The following GRID1 variants were observed in gnomAD, a reference collection of about 807,000 sequenced individuals.
The protein encoded by GRID1 is glutamate receptor ionotropic, delta-1.
In GRID1, 28 loss-of-function variants were observed where a neutral mutation model predicts 98.0. The observed-to-expected ratio is 0.29, with a 90% CI of 0.21 to 0.39. The LOEUF (loss-of-function observed/expected upper bound fraction) is 0.39, where lower values mean the gene tolerates loss of function less well. GRID1 is among the 10% of genes least tolerant of loss of function. The probability of loss-of-function intolerance (pLI) is 1.00; values close to 1 mark genes in which losing one functional copy is unlikely to be tolerated. For missense variants in GRID1, 1,111 were observed against 1,340.5 expected, an observed-to-expected ratio of 0.83 and a Z score of 2.67; for synonymous variants, 553 against 538.5, an observed-to-expected ratio of 1.03 and a Z score of -0.37.
At position 85,613,464 on chromosome 10, in the gene GRID1, C is replaced by T. The variant is rs567158645; in HGVS notation, c.2544G>A (p.Val848=). ...TGTTCCACCACAACTCCAGGGCAGC[C>T]ACCAGGCAGGCCAGGAGCAGGCCAA... ...LAIGLLLACL[V]AALELWWNSN... The change falls in exon 15 of 16, where the codon GTG becomes GTA. Residue 848 remains valine (V), a synonymous_variant. Transcript: ENST00000327946. The T allele has an allele frequency of 1.2e-5, 20 of 1,613,996 alleles. 1 individual carries two copies. The Admixed American group carries it at 1.8e-4, about 15-fold the overall frequency.
intron 2 of GRID1, among the ~76,000 whole-genome samples, chr10:86,208,238 C>T (rs1435879618): frequency 6.6e-6 from 1 of 152,140 alleles, no homozygotes; most frequent in African/African-American, 2.4e-5. Flanking sequence ...GGAAGAGAAC[C>T]CAAATCCTAC....
intron 12 of GRID1, among the ~76,000 whole-genome samples, chr10:85,648,911 G>A: frequency 6.6e-6 from 1 of 152,294 alleles, no homozygotes; most frequent in East Asian, 1.9e-4. Flanking sequence ...GAGTCCAATT[G>A]CCTACCTTGC....
chr10:86,025,698 C>A (rs1206556091), intron 4 of GRID1, among the ~76,000 whole-genome samples: 2 of 152,202 alleles, frequency 1.3e-5, no homozygotes, highest in African/African-American at 4.8e-5. Context: ...TGGAGCAGAA[C>A]CTGATATCTG....
At chr10:85,902,380 T>C (rs1249042279) in intron 5 of GRID1, among the ~76,000 whole-genome samples, 1 of 152,180 alleles carries the variant, frequency 6.6e-6, no homozygotes, top group Admixed American at 6.5e-5. Context: ...AACGTATAAA[T>C]TATTTATTTA....
intron 2 of GRID1, among the ~76,000 whole-genome samples, chr10:86,351,284 C>T (rs916513463): frequency 3.3e-5 from 5 of 152,238 alleles, no homozygotes; most frequent in Non-Finnish European, 7.3e-5. Context: ...AGAAAAAGTG[C>T]GCAGGACTGA....
At chr10:85,827,008 A>G (rs1842826240) in intron 8 of GRID1, among the ~76,000 whole-genome samples, 1 of 152,240 alleles carries the variant, frequency 6.6e-6, no homozygotes, top group Non-Finnish European at 1.5e-5. Context: ...TTGAAGGAAT[A>G]TGAGTCCACA....
In GRID1 at chr10:85,929,498, A is replaced by G. The variant is rs115537840; in HGVS notation, c.727-13259T>C. Among the ~76,000 whole-genome samples the G allele has an allele frequency of 3.2e-3, 490 of 152,236 alleles. 3 individuals are homozygous for G. The highest frequency in any genetic ancestry group is 0.011 in the African/African-American group (461 of 41,544). On this transcript the variant is annotated intron_variant, in intron 4 of 15. Coordinates refer to ENST00000327946, the MANE Select transcript of GRID1 (RefSeq NM_017551.3). ...TATTTCTTATTAACTCCATTCTAAA[A>G]CTTTATACAAACAATAGGGAAGATA...
chr10:85,967,562 C>G (rs1842353266), intron 4 of GRID1, among the ~76,000 whole-genome samples: 1 of 152,082 alleles, frequency 6.6e-6, no homozygotes, highest in Non-Finnish European at 1.5e-5. Context: ...AAAATATTTT[C>G]AAGGAACTAG....
chr10:85,634,249 C>CCTCTCTCTCT (rs775506130), intron 13 of GRID1, among the ~76,000 whole-genome samples: 2,231 of 91,964 alleles, frequency 0.024, 68 homozygotes, highest in African/African-American at 0.046. Flanking sequence ...TGATGGGGCA[C>CCTCTCTCTCT]CTCTCTCTCT....
At chr10:85,654,366 G>A (rs1044610991) in intron 12 of GRID1, among the ~76,000 whole-genome samples, 1 of 152,170 alleles carries the variant, frequency 6.6e-6, no homozygotes, top group African/African-American at 2.4e-5. Context: ...AAAAACAAAA[G>A]TAAAAGGGAT....
intron 4 of GRID1, among the ~76,000 whole-genome samples, chr10:85,924,478 G>C (rs1841748060): frequency 6.6e-6 from 1 of 152,216 alleles, no homozygotes; most frequent in African/African-American, 2.4e-5. Context: ...AAATTCTAGA[G>C]CTTTTCCTCC....
chr10:86,088,467 T>C (rs1332992416), intron 4 of GRID1, among the ~76,000 whole-genome samples: 2 of 152,252 alleles, frequency 1.3e-5, no homozygotes, highest in African/African-American at 4.8e-5. Context: ...GTACTTTGAC[T>C]AATTTTGTAT....
At chr10:85,772,774 A>G (rs1842286100) in intron 8 of GRID1, among the ~76,000 whole-genome samples, 1 of 152,228 alleles carries the variant, frequency 6.6e-6, no homozygotes, top group Admixed American at 6.5e-5. Context: ...CTAAACTAGG[A>G]AGAAGTTGAA....
At chr10:85,775,031 G>A (rs2132717894) in intron 8 of GRID1, among the ~76,000 whole-genome samples, 1 of 152,260 alleles carries the variant, frequency 6.6e-6, no homozygotes, top group South Asian at 2.1e-4. Flanking sequence ...GCAGACGTAT[G>A]TTTATTGAGG....
chr10:86,088,310 T>A (rs988679266), intron 4 of GRID1, among the ~76,000 whole-genome samples: 4 of 150,446 alleles, frequency 2.7e-5, no homozygotes, highest in African/African-American at 9.7e-5. Context: ...GGGAGAGGGA[T>A]AGAGAGAGAG....
intron 2 of GRID1, among the ~76,000 whole-genome samples, chr10:86,289,429 A>G (rs1589438308): frequency 6.6e-6 from 1 of 151,946 alleles, no homozygotes; most frequent in Admixed American, 6.6e-5. Context: ...GATTCAGCAC[A>G]GGCCAAGCCA....
At chr10:86,242,301 G>T (rs141168337) in intron 2 of GRID1, among the ~76,000 whole-genome samples, 187 of 152,296 alleles carry the variant, frequency 1.2e-3, no homozygotes, top group Non-Finnish European at 2.2e-3. Context: ...TTGGATCATG[G>T]AGTGTTTGGA....
intron 2 of GRID1, among the ~76,000 whole-genome samples, chr10:86,309,942 T>C (rs1204155170): frequency 6.6e-6 from 1 of 152,150 alleles, no homozygotes; most frequent in Non-Finnish European, 1.5e-5. Flanking sequence ...CTCTTCTCCA[T>C]CTCTCCCTCA....
chr10:86,177,822 C>T (rs979065792), intron 3 of GRID1, among the ~76,000 whole-genome samples: 14 of 151,296 alleles, frequency 9.3e-5, no homozygotes, highest in African/African-American at 7.3e-5. Flanking sequence ...CGTATGCACG[C>T]GTGTGTGCAC....
Sources: allele counts gnomAD v4.1 joint callset (sites outside exome capture counted in the v4.1 genomes callset), GRCh38; gene constraint gnomAD v4.1.1; transcripts MANE v1.5; gene names NCBI Gene and HGNC (gene_info 2026-07-23, HGNC 2026-07-21).